Variants in CPNE8 observed in about 807,000 individuals in gnomAD.
The protein encoded by CPNE8 is copine-8.
CPNE8 carries 45 observed loss-of-function variants against 81.5 expected under a neutral mutation model. The ratio of observed to expected loss-of-function variants is 0.55; its 90% confidence interval spans 0.44 to 0.71. The LOEUF is 0.71. Among genes scored for constraint, CPNE8 ranks in the 30% least tolerant of loss-of-function variants. The pLI, the probability that CPNE8 is intolerant of heterozygous loss-of-function variation, is 0.00. For missense variants in CPNE8, 594 were observed against 672.1 expected (o/e 0.88, Z 1.28); for synonymous variants, 252 against 226.3 (o/e 1.11, Z -1.02).
intron 10 of CPNE8, among the ~76,000 whole-genome samples, chr12:38,739,213 GA>G (rs982186133): frequency 3.9e-5 from 6 of 152,236 alleles, no homozygotes; most frequent in Admixed American, 1.3e-4. Context: ...GTTACTTTAT[GA>G]AAATGGTTTT....
Position 38,742,769 on chromosome 12 carries a change from T to C in CPNE8, c.723-12411A>G, listed in dbSNP as rs576639016. 8.6e-5 allele frequency among the ~76,000 whole-genome samples: 13 copies of C among 152,010 alleles called. No homozygotes were observed. In the South Asian group the frequency reaches 1.7e-3, roughly 19 times the overall value. ...CAGAAATTTCTTCTGTTGTTTGCTA[T>C]GTTTATTTTGTTCTATGTACAATAC... is the stretch of plus-strand genomic sequence containing the variant. On this transcript the variant is annotated intron_variant, in intron 10 of 19. Transcript: ENST00000331366.
intron 10 of CPNE8, among the ~76,000 whole-genome samples, chr12:38,752,931 AAAGT>A (rs1348224413): frequency 6.6e-6 from 1 of 152,250 alleles, no homozygotes; most frequent in Non-Finnish European, 1.5e-5. Context: ...TAAAGCAGAA[AAAGT>A]AATTAATCTG....
chr12:38,885,210 A>G (rs1944221215), intron 1 of CPNE8, among the ~76,000 whole-genome samples: 1 of 152,176 alleles, frequency 6.6e-6, no homozygotes, highest in African/African-American at 2.4e-5. Flanking sequence ...AAAATGCAAC[A>G]TTTGTTACAT....
chr12:38,786,767 G>A lies in CPNE8; in HGVS notation c.408-10466C>T, dbSNP rs192432089. Reference sequence around the variant, plus strand: ...AAGAAGGTCACTATATAAAGATAAAGGGGTCAATTAAGCAAGGGAGTCTAG... The same window carrying A: ...AAGAAGGTCACTATATAAAGATAAAAGGGTCAATTAAGCAAGGGAGTCTAG... On this transcript the variant is annotated intron_variant, in intron 6 of 19. Transcript: ENST00000331366. Among the ~76,000 whole-genome samples, 481 of 152,168 alleles carry A rather than the reference G, an allele frequency of 3.2e-3. 1 individual carries two copies. Among genetic ancestry groups the A allele is most frequent in the African/African-American group, 0.011 (445 of 41,548 alleles).
chr12:38,866,662 A>G (rs556954776), intron 3 of CPNE8, among the ~76,000 whole-genome samples: 16 of 152,326 alleles, frequency 1.1e-4, no homozygotes, highest in African/African-American at 3.8e-4. Context: ...GCAGCAGAAC[A>G]AGTCTTAGGC....
chr12:38,689,842 A>C (rs542993373), intron 15 of CPNE8, among the ~76,000 whole-genome samples: 1 of 152,346 alleles, frequency 6.6e-6, no homozygotes, highest in Non-Finnish European at 1.5e-5. Context: ...GTTTTCAGTT[A>C]TAAATCCAAA....
intron 6 of CPNE8, among the ~76,000 whole-genome samples, chr12:38,801,434 A>C (rs2136960008): frequency 4.7e-5 from 2 of 42,372 alleles, no homozygotes; most frequent in South Asian, 1.9e-3. Context: ...GAGAAATAAA[A>C]TACTTTATAG....
chr12:38,851,176 C>T (rs185556527), intron 3 of CPNE8, among the ~76,000 whole-genome samples: 1 of 152,164 alleles, frequency 6.6e-6, no homozygotes, highest in Non-Finnish European at 1.5e-5. Flanking sequence ...TCTGTTACAG[C>T]AACACAAAAC....
At chr12:38,669,674 A>G (rs1331338389) in intron 19 of CPNE8, among the ~76,000 whole-genome samples, 1 of 152,214 alleles carries the variant, frequency 6.6e-6, no homozygotes, top group Non-Finnish European at 1.5e-5. Context: ...CAAAGAGCAG[A>G]CAGTAAAACA....
chr12:38,772,422 A>T (rs911572123), intron 7 of CPNE8, among the ~76,000 whole-genome samples: 7 of 152,316 alleles, frequency 4.6e-5, no homozygotes, highest in African/African-American at 1.7e-4. Context: ...AAATAAAAAT[A>T]AAAAATAGAA....
At chr12:38,817,159 C>A (rs921810853) in intron 6 of CPNE8, among the ~76,000 whole-genome samples, 6 of 152,246 alleles carry the variant, frequency 3.9e-5, no homozygotes, top group Admixed American at 6.5e-5. Flanking sequence ...AGAGACTGGG[C>A]AAATCATCCT....
intron 3 of CPNE8, among the ~76,000 whole-genome samples, chr12:38,851,514 C>G (rs763636595): frequency 3.3e-5 from 5 of 152,138 alleles, no homozygotes; most frequent in Non-Finnish European, 7.4e-5. Flanking sequence ...TTCATCACTG[C>G]CTCATAAGTT....
chr12:38,732,256 C>T (rs906532714), intron 10 of CPNE8, among the ~76,000 whole-genome samples: 1 of 151,924 alleles, frequency 6.6e-6, no homozygotes, highest in Non-Finnish European at 1.5e-5. Flanking sequence ...TTATCAAAAA[C>T]ATGGCAGAAA....
intron 16 of CPNE8, among the ~76,000 whole-genome samples, chr12:38,680,404 T>G (rs1416797727): frequency 6.6e-6 from 1 of 152,054 alleles, no homozygotes; most frequent in East Asian, 1.9e-4. Context: ...GCAAATTTTA[T>G]GTTACTAAGT....
chr12:38,781,293 G>A (rs1942047736), intron 6 of CPNE8, among the ~76,000 whole-genome samples: 1 of 151,956 alleles, frequency 6.6e-6, no homozygotes, highest in African/African-American at 2.4e-5. Context: ...AATAAACCTA[G>A]AGGAATAGTT....
chr12:38,738,983 T>G (rs1363346768), intron 10 of CPNE8, among the ~76,000 whole-genome samples: 1 of 151,990 alleles, frequency 6.6e-6, no homozygotes, highest in Non-Finnish European at 1.5e-5. Flanking sequence ...CCAGCTAATT[T>G]CTGTCTTTTC....
chr12:38,704,918 T>TG (rs1234818970), intron 13 of CPNE8, among the ~76,000 whole-genome samples: 1 of 54,498 alleles, frequency 1.8e-5, no homozygotes, highest in African/African-American at 4.2e-5. Flanking sequence ...TTAGTTTAGT[T>TG]TTTTTTTTTT....
At chr12:38,788,509 T>C (rs564941426) in intron 6 of CPNE8, among the ~76,000 whole-genome samples, 1 of 152,020 alleles carries the variant, frequency 6.6e-6, no homozygotes, top group East Asian at 1.9e-4. Context: ...TCATACTGAA[T>C]AGGTAAATAC....
chr12:38,786,320 CA>C (rs1942187314), intron 6 of CPNE8, among the ~76,000 whole-genome samples: 5 of 152,146 alleles, frequency 3.3e-5, no homozygotes. Flanking sequence ...AAGAGATTAA[CA>C]TTTGGGTCAG....
Sources: gnomAD v4.1 joint callset for allele counts (sites outside exome capture counted in the v4.1 genomes callset) on GRCh38, gnomAD v4.1.1 for gene constraint, MANE v1.5 for transcripts, NCBI Gene and HGNC (gene_info 2026-07-23, HGNC 2026-07-21) for gene names.